TENM3: variants seen among roughly 807,000 people sequenced by gnomAD.
TENM3 encodes teneurin-3.
In TENM3, 63 loss-of-function variants were observed where a neutral mutation model predicts 255.1. That is an observed-to-expected ratio of 0.25 (90% CI 0.20 to 0.30). The LOEUF (loss-of-function observed/expected upper bound fraction) is 0.30. Ranked by LOEUF, TENM3 falls within the 10% of genes least tolerant of loss-of-function variation. The pLI is 1.00. For missense variants in TENM3, 2,929 were observed against 3,461.1 expected (o/e 0.85, Z 3.86); for synonymous variants, 1,306 against 1,322.3 (o/e 0.99, Z 0.27).
At chr4:182,628,487 T>C (rs182343401) in intron 4 of TENM3, among the ~76,000 whole-genome samples, 164 bp from the exon 5 acceptor site, 9 of 152,316 alleles carry the variant, frequency 5.9e-5, no homozygotes. Flanking sequence ...GATTCTTTGG[T>C]TAAAACATTT....
At chr4:182,552,239 T>C (rs1446464649) in intron 3 of TENM3, among the ~76,000 whole-genome samples, 2 of 152,016 alleles carry the variant, frequency 1.3e-5, no homozygotes, top group African/African-American at 4.8e-5. Context: ...AGTTCAAGAC[T>C]AGCCTGGGCA....
the TENM3 span, among the ~76,000 whole-genome samples, chr4:181,917,573 C>A: frequency 3.3e-5 from 5 of 151,672 alleles, no homozygotes. Flanking sequence ...TGCACCAGCA[C>A]TCTACACATC....
intron 2 of TENM3, among the ~76,000 whole-genome samples, chr4:182,333,604 C>G (rs750392699): frequency 2.6e-5 from 4 of 152,136 alleles, no homozygotes. Flanking sequence ...CATGATCACT[C>G]TAGACACTAA....
chr4:181,804,412 G>A, the TENM3 span, among the ~76,000 whole-genome samples: 3 of 152,152 alleles, frequency 2.0e-5, no homozygotes, highest in East Asian at 1.9e-4. Flanking sequence ...TAAAGGGGAA[G>A]CAGACAGACA....
chr4:182,269,319 G>A (rs1759458628), intron 1 of TENM3, among the ~76,000 whole-genome samples: 1 of 152,160 alleles, frequency 6.6e-6, no homozygotes, highest in Admixed American at 6.5e-5. Context: ...GTCTGCAGGG[G>A]CAAGAAAGGA....
the TENM3 span, among the ~76,000 whole-genome samples, chr4:182,046,549 A>AAGT: frequency 7.0e-6 from 1 of 143,110 alleles, no homozygotes; most frequent in Non-Finnish European, 1.5e-5. Context: ...ACAAAAAACT[A>AAGT]AATAATAATA....
intron 1 of TENM3, among the ~76,000 whole-genome samples, chr4:182,280,883 G>C (rs1760336777): frequency 6.6e-6 from 1 of 152,200 alleles, no homozygotes; most frequent in Non-Finnish European, 1.5e-5. Context: ...TAGCCTCTAA[G>C]TTACCAGCAG....
chr4:181,874,415 T>C, the TENM3 span: 1 of 152,242 alleles, frequency 6.6e-6, no homozygotes, highest in Non-Finnish European at 1.5e-5. Flanking sequence ...ATCTCTGTTA[T>C]TAGGTGCATA....
intron 18 of TENM3, among the ~76,000 whole-genome samples, chr4:182,740,324 C>T (rs1352955566): frequency 1.3e-5 from 2 of 152,190 alleles, no homozygotes; most frequent in Admixed American, 6.5e-5. Context: ...TCTCTCAGAG[C>T]CTCTCTTAAC....
intron 3 of TENM3, among the ~76,000 whole-genome samples, chr4:182,382,326 A>G (rs1767627183): frequency 6.6e-6 from 1 of 150,970 alleles, no homozygotes; most frequent in African/African-American, 2.4e-5. Flanking sequence ...GATTCATTGC[A>G]TCAACTTTGA....
At chr4:182,062,411 A>G in the TENM3 span, among the ~76,000 whole-genome samples, 1 of 152,194 alleles carries the variant, frequency 6.6e-6, no homozygotes, top group Non-Finnish European at 1.5e-5. Flanking sequence ...AAATCCATCA[A>G]TGCGTCTCCA....
the TENM3 span, among the ~76,000 whole-genome samples, chr4:181,875,421 A>T: frequency 2.2e-4 from 33 of 147,888 alleles, no homozygotes; most frequent in African/African-American, 6.0e-4. Flanking sequence ...TTAGGAACCT[A>T]TTTTTTTTTT....
the TENM3 span, among the ~76,000 whole-genome samples, chr4:181,747,679 G>C: frequency 6.6e-6 from 1 of 151,594 alleles, no homozygotes; most frequent in Non-Finnish European, 1.5e-5. Context: ...TTACATTCCT[G>C]CTTAATTTTG....
chr4:182,789,447 T>A lies in TENM3; in HGVS notation c.5601+58T>A. The A allele has an allele frequency of 1.3e-6, 2 of 1,508,306 alleles. No individual in the cohort carries two copies. 93.4% of individuals were successfully genotyped at this position (1,508,306 alleles called of 1,614,324 possible). A position where few individuals can be genotyped will look rare whatever the true frequency, so the allele number is the denominator to read the frequency against. On this transcript the variant is annotated intron_variant, in intron 25 of 27. Coordinates refer to ENST00000511685, the MANE Select transcript of TENM3 (RefSeq NM_001080477.4). This position sits in a 1 kb window ranked among gnomAD's most constrained non-coding sequence, Gnocchi z 4.4. The stretch of plus-strand genomic sequence containing the variant: ...AAGGATAATTCACATTTTTCAGCAA[T>A]CATCCAGAGCACTAAGGGGAAAAAA...
chr4:182,449,095 G>A (rs1216289270), intron 3 of TENM3: 1 of 111,616 alleles, frequency 9.0e-6, no homozygotes. Flanking sequence ...TGGGTGAGCG[G>A]CGGCGGCGGC....
At chr4:181,969,759 G>A in the TENM3 span, among the ~76,000 whole-genome samples, 4 of 152,206 alleles carry the variant, frequency 2.6e-5, no homozygotes, top group South Asian at 2.1e-4. Context: ...TATTATTTCA[G>A]TAATTACATT....
At chr4:181,636,794 A>G in the TENM3 span, among the ~76,000 whole-genome samples, 1 of 152,178 alleles carries the variant, frequency 6.6e-6, no homozygotes, top group African/African-American at 2.4e-5. Context: ...CCTGTTAGCT[A>G]AACGGATCAT....
rs1168499456 is a variant in TENM3, at chr4:182,799,761, G to C, written c.7510G>C (p.Val2504Leu). 1.3e-6 allele frequency: 2 copies of C among 1,576,878 alleles called. No homozygotes were observed. Among genetic ancestry groups the C allele is most frequent in the East Asian group, 2.4e-5 (1 of 42,354 alleles). Residue 2504 changes from valine (V) to leucine (L), a missense_variant, in exon 28 of 28, where the codon GTC (valine) becomes CTC (leucine). Transcript: ENST00000511685. The surrounding 1 kb of genome is among the most constrained non-coding windows in gnomAD (Gnocchi z 4.2). ...SLIGKGVMLA[V>L]SQGRVQTNVL... ...GATCGGCAAGGGCGTCATGCTGGCCGTCAGCCAGGGCCGCGTGCAGACCAA... is the reference window on the plus strand; with the variant it reads ...GATCGGCAAGGGCGTCATGCTGGCCCTCAGCCAGGGCCGCGTGCAGACCAA...
At chr4:181,642,241 A>G in the TENM3 span, among the ~76,000 whole-genome samples, 1 of 121,608 alleles carries the variant, frequency 8.2e-6, no homozygotes, top group African/African-American at 2.8e-5. Flanking sequence ...ATTTTTTTTC[A>G]TATGTTTGTT....
Sources: gnomAD v4.1 joint callset for allele counts (sites outside exome capture counted in the v4.1 genomes callset) on GRCh38, gnomAD v4.1.1 for gene constraint, Gnocchi (gnomAD v3.1) non-coding constraint, MANE v1.5 for transcripts, NCBI Gene and HGNC (gene_info 2026-07-23, HGNC 2026-07-21) for gene names.